TMTC3: variants seen among roughly 807,000 people sequenced by gnomAD.
TMTC3 encodes the protein protein O-mannosyl-transferase TMTC3.
A neutral mutation model predicts 92.2 loss-of-function variants in TMTC3; 52 were observed. That is an observed-to-expected ratio of 0.56 (90% CI 0.45 to 0.71). The LOEUF is 0.71. Among genes scored for constraint, TMTC3 ranks in the 30% least tolerant of loss-of-function variants. The pLI, the probability that TMTC3 is intolerant of heterozygous loss-of-function variation, is 0.00. For synonymous variants in TMTC3, 339 were observed against 363.3 expected (o/e 0.93, Z 0.76); for missense variants, 896 against 1,057.1 (o/e 0.85, Z 2.11).
At chr12:88,145,885 T>C (rs1031328419) in intron 1 of TMTC3, among the ~76,000 whole-genome samples, 3 of 152,178 alleles carry the variant, frequency 2.0e-5, no homozygotes, top group African/African-American at 7.2e-5. Flanking sequence ...TGAATTGAGA[T>C]CCCAAGTTTT....
intron 10 of TMTC3, among the ~76,000 whole-genome samples, chr12:88,182,769 C>A (rs1304599520): frequency 2.0e-5 from 3 of 152,156 alleles, no homozygotes; most frequent in Non-Finnish European, 1.5e-5. Flanking sequence ...GATACTGACA[C>A]ATGGTAGGAC....
rs1263921941 is a variant in TMTC3, at chr12:88,148,337, G to T, written c.22G>T (p.Glu8Ter). Residue 8 changes from glutamate to a stop codon, truncating the protein, a stop_gained, in exon 2 of 14, where the codon GAA (glutamate) becomes TAA (stop). Coordinates refer to ENST00000266712, the MANE Select transcript of TMTC3 (RefSeq NM_181783.4). LOFTEE classifies it high-confidence loss of function. ...AAAGATGGCTAATATTAACCTAAAA[G>T]AAATAACCTTAATAGTAGGTGTGGT... MANINLKEITLIVGVVTA... is the reference protein window; with the variant it reads MANINLK 6.2e-7 allele frequency: 1 copy of T among 1,611,084 alleles called. No individual in the cohort carries two copies. Among genetic ancestry groups the T allele is most frequent in the Non-Finnish European group, 8.5e-7 (1 of 1,178,970 alleles).
intron 7 of TMTC3, among the ~76,000 whole-genome samples, chr12:88,171,471 C>A (rs2041204157): frequency 2.6e-5 from 4 of 152,056 alleles, no homozygotes; most frequent in Admixed American, 2.0e-4. Flanking sequence ...CTTTCTGTGG[C>A]TGGCTTATTT....
Position 88,195,265 on chromosome 12 carries a change from A to C in TMTC3, c.2361A>C (p.Leu787Phe). Reference protein sequence around the residue: ...LCVVYFEEKDLLKAERCLLET... With the variant: ...LCVVYFEEKDFLKAERCLLET... The stretch of plus-strand genomic sequence containing the variant: ...TTGTTTATTTTGAAGAAAAAGACTT[A>C]TTAAAAGCTGAAAGATGCCTTCTTG... The change falls in exon 14 of 14, where the codon TTA (leucine) becomes TTC (phenylalanine). Residue 787 changes from leucine to phenylalanine, a missense_variant. By Grantham distance (22) the Leu-to-Phe change is conservative. Coordinates refer to ENST00000266712, the MANE Select transcript of TMTC3 (RefSeq NM_181783.4). The C allele has an allele frequency of 6.2e-6, 10 of 1,613,886 alleles. No individual in the cohort carries two copies. The highest frequency in any genetic ancestry group is 6.8e-6 in the Non-Finnish European group (8 of 1,179,906).
At chr12:88,167,867 C>T (rs2041163412) in intron 7 of TMTC3, among the ~76,000 whole-genome samples, 1 of 152,040 alleles carries the variant, frequency 6.6e-6, no homozygotes, top group African/African-American at 2.4e-5. Flanking sequence ...TAATTGAAAC[C>T]AGGATGTAGA....
At position 88,172,728 on chromosome 12, in the gene TMTC3, G is replaced by C. The variant is rs760199855; in HGVS notation, c.1182G>C (p.Gln394His). The C allele has an allele frequency of 6.3e-7, 1 of 1,598,950 alleles. No homozygotes were observed. Among genetic ancestry groups the C allele is most frequent in the Non-Finnish European group, 8.5e-7 (1 of 1,174,826 alleles). ...GTATTTTGGTAGCCCATGGATGGCA[G>C]AAAATATCAACAAAAAGGTGAATTT... ...GFCILVAHGWQKISTKSVFKK... is the reference protein window; with the variant it reads ...GFCILVAHGWHKISTKSVFKK... Residue 394 changes from glutamine to histidine, a missense_variant, in exon 8 of 14, where the codon CAG (glutamine) becomes CAC (histidine). Transcript: ENST00000266712.
intron 9 of TMTC3, 77 bp from the exon 10 acceptor site, chr12:88,176,131 A>G (rs1447225316): frequency 2.1e-6 from 2 of 952,724 alleles, no homozygotes; most frequent in African/African-American, 3.4e-5. Flanking sequence ...TCTTAATAGT[A>G]TACCAAACAA....
chr12:88,189,502 T>C (rs1183796259), intron 11 of TMTC3, among the ~76,000 whole-genome samples: 1 of 152,198 alleles, frequency 6.6e-6, no homozygotes, highest in African/African-American at 2.4e-5. Context: ...AGTTAATGAC[T>C]TTAAATAAAT....
At chr12:88,181,175 A>G (rs1592744694) in intron 10 of TMTC3, among the ~76,000 whole-genome samples, 1 of 152,212 alleles carries the variant, frequency 6.6e-6, no homozygotes, top group African/African-American at 2.4e-5. Context: ...CATAAACACA[A>G]AAGTTAAGAG....
chr12:88,159,065 A>AG (rs376689096), intron 4 of TMTC3, among the ~76,000 whole-genome samples: 1 of 150,378 alleles, frequency 6.6e-6, no homozygotes, highest in Non-Finnish European at 1.5e-5. Context: ...AAAAAAAAAA[A>AG]GGAAAAAAAA....
intron 1 of TMTC3, among the ~76,000 whole-genome samples, chr12:88,147,957 A>G (rs1406076643): frequency 6.6e-6 from 1 of 152,092 alleles, no homozygotes; most frequent in African/African-American, 2.4e-5. Context: ...TATTTTCAAT[A>G]TGCTGCCTTT....
intron 4 of TMTC3, among the ~76,000 whole-genome samples, chr12:88,156,696 TA>T (rs11398219): frequency 3.4e-5 from 5 of 148,700 alleles, no homozygotes; most frequent in African/African-American, 1.2e-4. Flanking sequence ...AAACAAAAGT[TA>T]AAAAAAAAAA....
At position 88,197,310 on chromosome 12, in the gene TMTC3, C is replaced by G. The variant is rs1239284956; in HGVS notation, c.*1661C>G. On this transcript the variant is annotated 3_prime_UTR_variant, in exon 14 of 14. Transcript: ENST00000266712. ...AGGTAGTTTAAAGCAAGCACTGATA[C>G]CAGTGGGAGTTGGTCTTGATCTAGG... is the stretch of plus-strand genomic sequence containing the variant. The G allele has an allele frequency of 7.2e-6, 1 of 138,800 alleles. No homozygotes were observed. The highest frequency in any genetic ancestry group is 1.5e-5 in the Non-Finnish European group (1 of 65,230). 8.6% of individuals were successfully genotyped at this position (138,800 alleles called of 1,614,324 possible).
rs983951939 is a variant in TMTC3, at chr12:88,197,969, G to A, written c.*2320G>A. ...AGACCACTGCTCTAAATTAGTGCAG[G>A]AAAATGCTTTTATTTCTCCCATGTT... On this transcript the variant is annotated 3_prime_UTR_variant, in exon 14 of 14. Coordinates refer to ENST00000266712, the MANE Select transcript of TMTC3 (RefSeq NM_181783.4). 1 of 174,884 alleles carries A rather than the reference G, an allele frequency of 5.7e-6. No individual in the cohort carries two copies. The highest frequency in any genetic ancestry group is 2.4e-5 in the African/African-American group (1 of 42,456). The allele number at this position is 174,884 out of a possible 1,614,324, so 10.8% of individuals were successfully genotyped here.
At chr12:88,173,553 C>T (rs1221991844) in intron 8 of TMTC3, among the ~76,000 whole-genome samples, 1 of 152,006 alleles carries the variant, frequency 6.6e-6, no homozygotes, top group Non-Finnish European at 1.5e-5. Context: ...CTGATTAATT[C>T]TTCTGGCTGC....
At chr12:88,146,110 C>T (rs887727352) in intron 1 of TMTC3, among the ~76,000 whole-genome samples, 2 of 152,154 alleles carry the variant, frequency 1.3e-5, no homozygotes, top group Non-Finnish European at 2.9e-5. Flanking sequence ...AGGTCCCCGT[C>T]TGCCTATGCC....
intron 2 of TMTC3, among the ~76,000 whole-genome samples, chr12:88,150,539 AAG>A (rs2040930457): frequency 6.6e-6 from 1 of 152,182 alleles, no homozygotes. Context: ...CAGATGGACT[AAG>A]AAAAAGACTC....
intron 2 of TMTC3, among the ~76,000 whole-genome samples, chr12:88,152,629 T>C (rs953137418): frequency 2.0e-5 from 3 of 152,220 alleles, no homozygotes; most frequent in African/African-American, 7.2e-5. Flanking sequence ...ATGTAACTTA[T>C]AATTTAAAAA....
rs916346912 is a variant in TMTC3, at chr12:88,199,017, C to T, written c.*3368C>T. On this transcript the variant is annotated 3_prime_UTR_variant, in exon 14 of 14. Coordinates refer to ENST00000266712, the MANE Select transcript of TMTC3 (RefSeq NM_181783.4). ...CTAAGTATTCATTATTAAATTGGTA[C>T]TTCTTAAAACCATAACCTGGCTTGC... The T allele has an allele frequency of 2.7e-5, 4 of 148,966 alleles. No individual in the cohort carries two copies. Among genetic ancestry groups the T allele is most frequent in the Non-Finnish European group, 5.9e-5 (4 of 67,248 alleles). The allele number at this position is 148,966 out of a possible 1,614,324, so 9.2% of individuals were successfully genotyped here.
Sources: allele counts gnomAD v4.1 joint callset (sites outside exome capture counted in the v4.1 genomes callset), GRCh38; gene constraint gnomAD v4.1.1; transcripts MANE v1.5; gene names NCBI Gene and HGNC (gene_info 2026-07-23, HGNC 2026-07-21).